Variants in GPHN observed in about 807,000 individuals in gnomAD.
GPHN encodes gephyrin.
In GPHN, 17 loss-of-function variants were observed where a neutral mutation model predicts 95.5. The ratio of observed to expected loss-of-function variants is 0.18; its 90% confidence interval spans 0.12 to 0.27. The LOEUF (loss-of-function observed/expected upper bound fraction) is 0.27, where lower values mean the gene tolerates loss of function less well. Among genes scored for constraint, GPHN ranks in the 10% least tolerant of loss-of-function variants. GPHN has a pLI of 1.00. For synonymous variants in GPHN, 320 were observed against 322.5 expected, an observed-to-expected ratio of 0.99 and a Z score of 0.08; for missense variants, 660 against 978.1, an observed-to-expected ratio of 0.67 and a Z score of 4.34.
chr14:66,523,878 T>G (rs940943616), intron 1 of GPHN, among the ~76,000 whole-genome samples: 2 of 152,154 alleles, frequency 1.3e-5, no homozygotes, highest in Non-Finnish European at 2.9e-5. Context: ...TCCCACTATT[T>G]TATCTTATTT....
chr14:67,193,592 TATATATCTATAGATATATAGATAGAA>T, the GPHN span, among the ~76,000 whole-genome samples: 2 of 145,366 alleles, frequency 1.4e-5, no homozygotes, highest in African/African-American at 5.0e-5. Flanking sequence ...TAGATATAGA[TATATATCTATAGATATATAGATAGAA>T]ATATATCTAT....
chr14:66,661,132 G>C (rs1174233431), intron 1 of GPHN, among the ~76,000 whole-genome samples: 2 of 152,178 alleles, frequency 1.3e-5, no homozygotes, highest in Non-Finnish European at 2.9e-5. Context: ...CCTAGGAAGG[G>C]ATCTGAATCC....
intron 1 of GPHN, among the ~76,000 whole-genome samples, chr14:66,586,803 A>G (rs937665442): frequency 6.6e-6 from 1 of 152,156 alleles, no homozygotes; most frequent in Non-Finnish European, 1.5e-5. Flanking sequence ...CAAAAATAAG[A>G]AAGATCCCAC....
At chr14:67,597,042 T>C in the GPHN span, among the ~76,000 whole-genome samples, 1 of 152,252 alleles carries the variant, frequency 6.6e-6, no homozygotes, top group Non-Finnish European at 1.5e-5. Context: ...CTGTAAACTA[T>C]TTGGGCCTGT....
chr14:67,268,979 T>G, the GPHN span, among the ~76,000 whole-genome samples: 1 of 152,186 alleles, frequency 6.6e-6, no homozygotes, highest in African/African-American at 2.4e-5. Flanking sequence ...CCACAATTAA[T>G]TTGCATCATT....
At chr14:67,002,309 C>CTTTTT (rs1177817698) in intron 9 of GPHN, among the ~76,000 whole-genome samples, 26 of 58,748 alleles carry the variant, frequency 4.4e-4, no homozygotes, top group South Asian at 7.9e-4. Context: ...CTTTGTGTTG[C>CTTTTT]TTTTTTTTTT....
chr14:67,291,577 C>T, the GPHN span, among the ~76,000 whole-genome samples: 1 of 152,128 alleles, frequency 6.6e-6, no homozygotes, highest in Non-Finnish European at 1.5e-5. Context: ...GCCACTGCGC[C>T]CAGCCTACCA....
chr14:66,871,080 T>C (rs1394675668), intron 4 of GPHN, among the ~76,000 whole-genome samples: 1 of 152,212 alleles, frequency 6.6e-6, no homozygotes, highest in Non-Finnish European at 1.5e-5. Flanking sequence ...TTCTCACGTA[T>C]CATTTGTCAA....
chr14:67,727,018 A>G, the GPHN span: 2 of 1,613,302 alleles, frequency 1.2e-6, no homozygotes. Flanking sequence ...TGGAGCGGCT[A>G]AAGGTGTCTG....
intron 9 of GPHN, among the ~76,000 whole-genome samples, chr14:67,014,941 A>G (rs1184472698): frequency 6.6e-6 from 1 of 152,222 alleles, no homozygotes; most frequent in Non-Finnish European, 1.5e-5. Context: ...GTCACTGAAC[A>G]TGGTTCAACT....
the GPHN span, chr14:67,582,061 C>A: frequency 6.2e-7 from 1 of 1,605,874 alleles, no homozygotes; most frequent in Non-Finnish European, 8.5e-7. This position sits in a 1 kb window ranked among gnomAD's most constrained non-coding sequence, Gnocchi z 5.0. Context: ...TTATTCTCTT[C>A]TTTGTAGGCT....
the GPHN span, among the ~76,000 whole-genome samples, chr14:67,274,015 G>C: frequency 6.6e-6 from 1 of 152,264 alleles, no homozygotes; most frequent in Non-Finnish European, 1.5e-5. Context: ...GTAGATTCTG[G>C]ATATTAGCCC....
At chr14:66,880,153 C>A in intron 5 of GPHN, 120 bp downstream of exon 5, 1 of 718,470 alleles carries the variant, frequency 1.4e-6, no homozygotes, top group South Asian at 1.5e-5. Context: ...ACATAAAGTT[C>A]TTAGCTTATA....
the GPHN span, among the ~76,000 whole-genome samples, chr14:67,253,758 C>T: frequency 6.6e-6 from 1 of 151,586 alleles, no homozygotes; most frequent in Non-Finnish European, 1.5e-5. Context: ...GGAGGATTAC[C>T]TAAGCCCAGA....
the GPHN span, among the ~76,000 whole-genome samples, chr14:67,728,834 CT>C: frequency 3.3e-5 from 5 of 152,020 alleles, no homozygotes; most frequent in Non-Finnish European, 2.9e-5. Context: ...ATCGCTACCC[CT>C]AAACTCCTCC....
At chr14:67,421,251 A>C in the GPHN span, among the ~76,000 whole-genome samples, 13 of 152,326 alleles carry the variant, frequency 8.5e-5, no homozygotes, top group African/African-American at 3.1e-4. Flanking sequence ...TGGAAGACTC[A>C]ACAAAGTTAA....
chr14:67,191,913 G>A, the GPHN span, among the ~76,000 whole-genome samples: 25 of 152,210 alleles, frequency 1.6e-4, no homozygotes, highest in Admixed American at 9.8e-4. Context: ...CTGCAGAAAC[G>A]TACAACCTAA....
chr14:67,579,943 C>T, the GPHN span: 1 of 1,414,054 alleles, frequency 7.1e-7, no homozygotes, highest in Non-Finnish European at 9.7e-7. Flanking sequence ...GGGGAAAGAG[C>T]CCATCTGATG....
At chr14:67,721,870 C>T in the GPHN span, among the ~76,000 whole-genome samples, 2 of 151,880 alleles carry the variant, frequency 1.3e-5, no homozygotes, top group African/African-American at 2.4e-5. Flanking sequence ...TGCCCAGGGC[C>T]GTGGAGCTTT....
Sources: allele counts gnomAD v4.1 joint callset (sites outside exome capture counted in the v4.1 genomes callset), GRCh38; gene constraint gnomAD v4.1.1; non-coding constraint Gnocchi (gnomAD v3.1); transcripts MANE v1.5; gene names NCBI Gene and HGNC (gene_info 2026-07-23, HGNC 2026-07-21).